The following ITCH variants were observed in gnomAD, a reference collection of about 807,000 sequenced individuals.
The protein encoded by ITCH is itchy E3 ubiquitin protein ligase.
ITCH carries 28 observed loss-of-function variants against 126.8 expected under a neutral mutation model. That is an observed-to-expected ratio of 0.22 (90% CI 0.16 to 0.30). The LOEUF (loss-of-function observed/expected upper bound fraction) is 0.30, where lower values mean the gene tolerates loss of function less well. Ranked by LOEUF, ITCH falls within the 10% of genes least tolerant of loss-of-function variation. ITCH has a pLI of 1.00. For missense variants in ITCH, 631 were observed against 1,032.4 expected (o/e 0.61, Z 5.33); for synonymous variants, 342 against 340.0 (o/e 1.01, Z -0.06).
At chr20:34,418,963 G>A (rs564799021) in intron 6 of ITCH, among the ~76,000 whole-genome samples, 4 of 152,058 alleles carry the variant, frequency 2.6e-5, no homozygotes, top group African/African-American at 9.6e-5. Flanking sequence ...GTTTCTCCAT[G>A]TTGGTCAGGC....
intron 14 of ITCH, among the ~76,000 whole-genome samples, chr20:34,466,619 G>T (rs1296185978): frequency 6.6e-6 from 1 of 152,080 alleles, no homozygotes; most frequent in Non-Finnish European, 1.5e-5. Flanking sequence ...AATAATAGTG[G>T]TTTATGTAAG....
chr20:34,463,586 T>C (rs1986740355), intron 14 of ITCH, among the ~76,000 whole-genome samples: 1 of 152,130 alleles, frequency 6.6e-6, no homozygotes, highest in Admixed American at 6.5e-5. Flanking sequence ...CCAATTTCTG[T>C]ACGTTCTCAT....
At chr20:34,441,639 G>C (rs559685460) in intron 9 of ITCH, 1 of 154,464 alleles carries the variant, frequency 6.5e-6, no homozygotes, top group African/African-American at 2.5e-5. Flanking sequence ...AGGCTGGAGT[G>C]CAATGATGCA....
At chr20:34,507,282 T>TG (rs1238095272) in intron 24 of ITCH, among the ~76,000 whole-genome samples, 14 of 95,800 alleles carry the variant, frequency 1.5e-4, no homozygotes, top group South Asian at 3.9e-4. Flanking sequence ...TTTTTTTTTT[T>TG]TTTTTTTGGT....
In ITCH at chr20:34,397,349, A is replaced by G. The variant is rs6087579; in HGVS notation, c.70+3468A>G. ...AAGTCTTTATATGTGAACCATTTGT[A>G]CTAGCTAGAATGAGTCACTGGATTT... On this transcript the variant is annotated intron_variant, in intron 3 of 24. Transcript: ENST00000374864. Among the ~76,000 whole-genome samples, 82,343 of 152,002 alleles carry G rather than the reference A, an allele frequency of 0.54. 22,729 individuals carry two copies. Among genetic ancestry groups the G allele is most frequent in the Admixed American group, 0.63 (9,685 of 15,274 alleles).
At chr20:34,402,478 A>G (rs2038921102) in intron 3 of ITCH, 1 of 765,270 alleles carries the variant, frequency 1.3e-6, no homozygotes, top group East Asian at 2.5e-5. Context: ...TGAAAAATAG[A>G]CTAGAAATAC....
At chr20:34,466,329 T>G (rs1349509584) in intron 14 of ITCH, 1 of 526,482 alleles carries the variant, frequency 1.9e-6, no homozygotes, top group Admixed American at 2.0e-5. Flanking sequence ...TGCTGATTTT[T>G]TTTTAGTATT....
At chr20:34,411,068 A>G (rs1978960771) in intron 4 of ITCH, among the ~76,000 whole-genome samples, 1 of 152,174 alleles carries the variant, frequency 6.6e-6, no homozygotes, top group Non-Finnish European at 1.5e-5. Flanking sequence ...ATCATCTTTG[A>G]CAGTATACTT....
At chr20:34,401,663 G>T in intron 3 of ITCH, 1 of 977,840 alleles carries the variant, frequency 1.0e-6, no homozygotes, top group Non-Finnish European at 1.2e-6. Flanking sequence ...AGTAGACTGT[G>T]GAATCAATCG....
At chr20:34,474,185 T>C (rs910028171) in intron 16 of ITCH, among the ~76,000 whole-genome samples, 2 of 152,184 alleles carry the variant, frequency 1.3e-5, no homozygotes, top group Non-Finnish European at 2.9e-5. Flanking sequence ...TTTCTTTTAT[T>C]GATCATTCTT....
chr20:34,420,890 A>G (rs1456144916), intron 6 of ITCH, among the ~76,000 whole-genome samples: 1 of 152,164 alleles, frequency 6.6e-6, no homozygotes, highest in Non-Finnish European at 1.5e-5. Flanking sequence ...GCTAGTTGCT[A>G]GGGTGTACCA....
At chr20:34,422,955 C>T (rs1385850672) in intron 6 of ITCH, among the ~76,000 whole-genome samples, 1 of 152,118 alleles carries the variant, frequency 6.6e-6, no homozygotes, top group East Asian at 1.9e-4. Context: ...CCACCACACT[C>T]AGCTAATTTT....
chr20:34,394,557 G>GT (rs1004763472), intron 3 of ITCH, among the ~76,000 whole-genome samples: 7 of 152,148 alleles, frequency 4.6e-5, no homozygotes, highest in Non-Finnish European at 7.3e-5. Context: ...AAATTCTGCA[G>GT]TTTTTTGTAG....
intron 8 of ITCH, 141 bp from the exon 9 acceptor site, chr20:34,440,014 T>C (rs776556340): frequency 3.2e-5 from 21 of 658,366 alleles, no homozygotes; most frequent in Non-Finnish European, 5.5e-5. Flanking sequence ...CATTACTTAT[T>C]TCTTTAAGTA....
Position 34,510,628 on chromosome 20 carries a change from G to C in ITCH, c.*2834G>C, listed in dbSNP as rs978286821. ...TCATCAAATGGAGTGGTTTAAAACT[G>C]ATCAAGCAGCTCATAATAATGAATT... is the stretch of plus-strand genomic sequence containing the variant. On this transcript the variant is annotated 3_prime_UTR_variant, in exon 25 of 25. Coordinates refer to ENST00000374864, the MANE Select transcript of ITCH (RefSeq NM_031483.7). 1 of 151,908 alleles carries C rather than the reference G, an allele frequency of 6.6e-6. No homozygotes were observed. The highest frequency in any genetic ancestry group is 2.4e-5 in the African/African-American group (1 of 41,350). 9.4% of individuals were successfully genotyped at this position (151,908 alleles called of 1,614,324 possible).
Position 34,489,351 on chromosome 20 carries a change from C to A in ITCH, c.2179C>A (p.Gln727Lys). The A allele has an allele frequency of 6.2e-7, 1 of 1,613,068 alleles. No individual in the cohort carries two copies. The highest frequency in any genetic ancestry group is 8.5e-7 in the Non-Finnish European group (1 of 1,179,284). The change falls in exon 21 of 25, where the codon CAA (glutamine) becomes AAA (lysine). Residue 727 changes from glutamine (Q) to lysine (K), a missense_variant. Coordinates refer to ENST00000374864, the MANE Select transcript of ITCH (RefSeq NM_031483.7). ...FEGFNEILPQ[Q>K]YLQYFDAKEL... ...AGGCTTTAATGAAATTCTTCCCCAG[C>A]AATATTTGCAATACTTTGATGCAAA...
intron 20 of ITCH, among the ~76,000 whole-genome samples, chr20:34,482,179 G>T (rs1459827059): frequency 6.6e-6 from 1 of 152,134 alleles, no homozygotes; most frequent in South Asian, 2.1e-4. Context: ...TGAGATTTGG[G>T]TGAGGACACA....
chr20:34,460,283 G>A (rs1254010823), intron 13 of ITCH, among the ~76,000 whole-genome samples: 1 of 151,804 alleles, frequency 6.6e-6, no homozygotes, highest in African/African-American at 2.4e-5. Flanking sequence ...TGACCTCCTG[G>A]GCTCAAGCAA....
chr20:34,416,420 TTA>T (rs1343367459), intron 6 of ITCH, among the ~76,000 whole-genome samples: 1 of 151,646 alleles, frequency 6.6e-6, no homozygotes, highest in Admixed American at 6.6e-5. Flanking sequence ...AAGAAAACAG[TTA>T]TAACAATATA....
Sources: gnomAD v4.1 joint callset for allele counts (sites outside exome capture counted in the v4.1 genomes callset) on GRCh38, gnomAD v4.1.1 for gene constraint, MANE v1.5 for transcripts, NCBI Gene and HGNC (gene_info 2026-07-23, HGNC 2026-07-21) for gene names.